The following ATAD2 variants were observed in gnomAD, a reference collection of about 807,000 sequenced individuals.
ATAD2 encodes ATPase family AAA domain-containing protein 2.
ATAD2 carries 62 observed loss-of-function variants against 168.9 expected under a neutral mutation model. That is an observed-to-expected ratio of 0.37 (90% CI 0.30 to 0.45). The LOEUF (loss-of-function observed/expected upper bound fraction) is 0.45. Ranked by LOEUF, ATAD2 falls within the 20% of genes least tolerant of loss-of-function variation. ATAD2 has a pLI of 1.00. For synonymous variants in ATAD2, 613 were observed against 571.6 expected (o/e 1.07, Z -1.03); for missense variants, 1,419 against 1,667.8 (o/e 0.85, Z 2.60).
chr8:123,364,217 A>T (rs1586885190), intron 8 of ATAD2, among the ~76,000 whole-genome samples: 2 of 145,812 alleles, frequency 1.4e-5, no homozygotes, highest in East Asian at 1.9e-4. Flanking sequence ...CTTTACAGAT[A>T]AAAAAAAAAC....
intron 13 of ATAD2, 22 bp from the exon 14 acceptor site, chr8:123,349,466 GAA>G (rs1828376156): frequency 6.3e-7 from 1 of 1,598,442 alleles, no homozygotes. Flanking sequence ...AAATAAGAGA[GAA>G]GAGATTAATA....
At chr8:123,336,646 A>C in intron 21 of ATAD2, 114 bp from the exon 22 acceptor site, 1 of 789,612 alleles carries the variant, frequency 1.3e-6, no homozygotes, top group East Asian at 3.0e-5. Context: ...AGAGATTATG[A>C]TAATATATTT....
At chr8:123,345,138 G>A (rs1828197322) in intron 18 of ATAD2, 69 bp from the exon 19 acceptor site, 4 of 1,418,244 alleles carry the variant, frequency 2.8e-6, no homozygotes, top group Non-Finnish European at 3.8e-6. Context: ...CTATTAGTCT[G>A]AAACAATGTT....
intron 1 of ATAD2, among the ~76,000 whole-genome samples, chr8:123,384,714 T>C (rs1174305668): frequency 6.6e-6 from 1 of 152,254 alleles, no homozygotes; most frequent in East Asian, 1.9e-4. Context: ...GTAAGGGAAC[T>C]TCAACCATGT....
At chr8:123,415,846 G>A (rs1206419106) in intron 1 of ATAD2, among the ~76,000 whole-genome samples, 2 of 152,182 alleles carry the variant, frequency 1.3e-5, no homozygotes, top group Non-Finnish European at 2.9e-5. Flanking sequence ...ACCCGCCTCG[G>A]TCTCCCAAAG....
intron 6 of ATAD2, 116 bp from the exon 7 acceptor site, chr8:123,370,140 A>G: frequency 1.1e-6 from 1 of 892,782 alleles, no homozygotes; most frequent in South Asian, 1.9e-5. Context: ...TACTCCTAAA[A>G]AAAAAAAAAC....
At chr8:123,397,260 AAAAAG>A (rs1812898185), upstream of ATAD2, among the ~76,000 whole-genome samples, 1 of 151,716 alleles carries the variant, frequency 6.6e-6, no homozygotes, top group African/African-American at 2.4e-5. Flanking sequence ...AAAAAAAAAA[AAAAAG>A]AACCTGTTTC....
At position 123,337,828 on chromosome 8, in the gene ATAD2, A is replaced by G. The variant is rs772832263; in HGVS notation, c.2855-7T>C. On this transcript the variant is annotated splice_region_variant and splice_polypyrimidine_tract_variant and intron_variant, in intron 20 of 27. Transcript: ENST00000287394. ...ACCTCCAAAGCCTGCAAAACTTCAC[A>G]TGAATGGAAGAATTTAGTTACTGCT... 15 of 1,579,264 alleles carry G rather than the reference A, an allele frequency of 9.5e-6. 1 individual carries two copies. In the South Asian group the frequency reaches 1.2e-4, roughly 13 times the overall value.
intron 24 of ATAD2, among the ~76,000 whole-genome samples, chr8:123,333,021 C>G (rs1414095594): frequency 2.0e-5 from 3 of 151,662 alleles, no homozygotes; most frequent in Non-Finnish European, 4.4e-5. Flanking sequence ...GACAAACTTG[C>G]AATACAATAG....
intron 1 of ATAD2, among the ~76,000 whole-genome samples, chr8:123,393,121 C>G (rs1486795155): frequency 6.7e-6 from 1 of 149,244 alleles, no homozygotes; most frequent in Non-Finnish European, 1.5e-5. Flanking sequence ...GGAGGTGGAG[C>G]TTGCAGTGAG....
intron 15 of ATAD2, 47 bp downstream of exon 15, chr8:123,348,136 T>G (rs370815347): frequency 7.1e-7 from 1 of 1,413,444 alleles, no homozygotes. Context: ...TGTTTCATAT[T>G]TGAAATAAAT....
intron 8 of ATAD2, among the ~76,000 whole-genome samples, chr8:123,362,668 A>C (rs1163549533): frequency 6.6e-6 from 1 of 151,886 alleles, no homozygotes; most frequent in Non-Finnish European, 1.5e-5. Flanking sequence ...CGCCCGCCTC[A>C]GCCTCCCAAA....
intron 24 of ATAD2, 23 bp from the exon 25 acceptor site, chr8:123,328,602 T>A: frequency 6.7e-7 from 1 of 1,499,204 alleles, no homozygotes; most frequent in Non-Finnish European, 8.9e-7. Context: ...TAAAGAAAAA[T>A]GATGAAAGAA....
intron 15 of ATAD2, chr8:123,347,886 A>G (rs1828304159): frequency 3.3e-6 from 1 of 305,032 alleles, no homozygotes; most frequent in East Asian, 1.0e-4. Context: ...TTATTATGAT[A>G]TAATAATATA....
chr8:123,396,101 G>A, intron 1 of ATAD2, 86 bp downstream of exon 1: 3 of 1,389,062 alleles, frequency 2.2e-6, no homozygotes, highest in African/African-American at 1.5e-5. Context: ...GACCGGCGCC[G>A]CCCACCCCCA....
chr8:123,368,752 A>G (rs1417324040), intron 8 of ATAD2, among the ~76,000 whole-genome samples: 1 of 152,226 alleles, frequency 6.6e-6, no homozygotes, highest in Non-Finnish European at 1.5e-5. Flanking sequence ...TCTACGTAAA[A>G]TGCTTAACAC....
Position 123,321,169 on chromosome 8 carries a change from C to G in ATAD2, c.4138G>C (p.Glu1380Gln). Residue 1380 changes from glutamate (E) to glutamine (Q), a missense_variant, in exon 28 of 28, where the codon GAG (glutamate) becomes CAG (glutamine). Physicochemically the swap from Glu to Gln is conservative, Grantham distance 29. This residue lies in a region of ATAD2 where 303 missense variants were observed against 304.3 expected (regional missense o/e 1.00). Transcript: ENST00000287394. ...CAACTGAAGTTTTCTACCTCTTGCT[C>G]CATTTTCTAGATAAAGGGGAGGAAG... Reference protein sequence around the residue: ...HDKTSLIQKMEQEVENFSCSR With the variant: ...HDKTSLIQKMQQEVENFSCSR The G allele has an allele frequency of 6.2e-7, 1 of 1,608,936 alleles. No individual in the cohort carries two copies. The highest frequency in any genetic ancestry group is 8.5e-7 in the Non-Finnish European group (1 of 1,178,558).
intron 13 of ATAD2, 27 bp from the exon 14 acceptor site, chr8:123,349,471 G>A: frequency 6.3e-7 from 1 of 1,584,442 alleles, no homozygotes; most frequent in Non-Finnish European, 8.7e-7. Flanking sequence ...AGAGAGAAGA[G>A]ATTAATACTA....
Position 123,348,238 on chromosome 8 carries a change from A to T in ATAD2, c.1842T>A (p.Asp614Glu). 6.2e-7 allele frequency: 1 copy of T among 1,601,474 alleles called. No homozygotes were observed. Among genetic ancestry groups the T allele is most frequent in the Non-Finnish European group, 8.5e-7 (1 of 1,176,528 alleles). ...ATGTGTCCAGTGGTTTGGGATTCCAATCCCTGGTGTGAATCTTTAGAATCT... is the reference window on the plus strand; with the variant it reads ...ATGTGTCCAGTGGTTTGGGATTCCATTCCCTGGTGTGAATCTTTAGAATCT... ...RKEILKIHTR[D>E]WNPKPLDTFL... Residue 614 changes from aspartate (D) to glutamate (E), a missense_variant, in exon 15 of 28, where the codon GAT becomes GAA. This residue lies in a region of ATAD2 where 545 missense variants were observed against 724.9 expected (regional missense o/e 0.75). Coordinates refer to ENST00000287394, the MANE Select transcript of ATAD2 (RefSeq NM_014109.4).
Sources: gnomAD v4.1 joint callset for allele counts (sites outside exome capture counted in the v4.1 genomes callset) on GRCh38, gnomAD v4.1.1 for gene constraint, gnomAD v4.1.1 regional missense constraint, MANE v1.5 for transcripts, NCBI Gene and HGNC (gene_info 2026-07-23, HGNC 2026-07-21) for gene names.